The following PPP2R2C variants were observed in gnomAD, a reference collection of about 807,000 sequenced individuals.
PPP2R2C encodes the protein protein phosphatase 2 regulatory subunit Bgamma, also known as protein phosphatase 2, regulatory subunit B, gamma.
A neutral mutation model predicts 45.3 loss-of-function variants in PPP2R2C; 10 were observed. That is an observed-to-expected ratio of 0.22 (90% CI 0.14 to 0.37). The LOEUF (loss-of-function observed/expected upper bound fraction) is 0.37, where lower values mean the gene tolerates loss of function less well. PPP2R2C is among the 10% of genes least tolerant of loss of function. The probability of loss-of-function intolerance (pLI) is 1.00; values close to 1 mark genes in which losing one functional copy is unlikely to be tolerated. For synonymous variants in PPP2R2C, 257 were observed against 245.4 expected (o/e 1.05, Z -0.44); for missense variants, 308 against 619.7 (o/e 0.50, Z 5.34).
chr4:6,519,455 T>C (rs1286671853), intron 2 of PPP2R2C, among the ~76,000 whole-genome samples: 1 of 152,066 alleles, frequency 6.6e-6, no homozygotes, highest in Non-Finnish European at 1.5e-5. Flanking sequence ...GGCCCATGCC[T>C]AGCTCCCCAG....
intron 5 of PPP2R2C, among the ~76,000 whole-genome samples, chr4:6,366,618 G>A (rs886735275): frequency 3.9e-5 from 6 of 152,228 alleles, no homozygotes; most frequent in African/African-American, 1.4e-4. Flanking sequence ...CAGCCTAGGA[G>A]GGGTGTGGCA....
chr4:6,433,765 C>A (rs1719747341), intron 1 of PPP2R2C, among the ~76,000 whole-genome samples: 1 of 152,174 alleles, frequency 6.6e-6, no homozygotes, highest in African/African-American at 2.4e-5. Flanking sequence ...GAAACAGGCA[C>A]CATTGTTACA....
intron 1 of PPP2R2C, among the ~76,000 whole-genome samples, chr4:6,394,985 C>T (rs1392180643): frequency 6.6e-6 from 1 of 152,196 alleles, no homozygotes; most frequent in Non-Finnish European, 1.5e-5. Context: ...GCAGAGCCAG[C>T]AGCCCCCCTC....
chr4:6,380,687 G>A (rs1186948992), intron 2 of PPP2R2C, among the ~76,000 whole-genome samples: 3 of 152,092 alleles, frequency 2.0e-5, no homozygotes, highest in Non-Finnish European at 2.9e-5. Context: ...AGGGCAGGGG[G>A]CTCAGAACCT....
intron 1 of PPP2R2C, among the ~76,000 whole-genome samples, chr4:6,403,970 CAG>C (rs1327970917): frequency 1.3e-5 from 2 of 152,152 alleles, no homozygotes; most frequent in African/African-American, 4.8e-5. Context: ...GGATGGGAGT[CAG>C]GGGACTGCCC....
chr4:6,458,229 A>C (rs1721142730), intron 1 of PPP2R2C, among the ~76,000 whole-genome samples: 1 of 152,350 alleles, frequency 6.6e-6, no homozygotes, highest in Middle Eastern at 3.4e-3. Flanking sequence ...AACATCATGC[A>C]GGCTCATCAC....
intron 2 of PPP2R2C, among the ~76,000 whole-genome samples, chr4:6,505,568 A>T (rs1049257030): frequency 1.8e-4 from 28 of 152,238 alleles, no homozygotes; most frequent in African/African-American, 6.8e-4. Flanking sequence ...CATAGTAATG[A>T]AAAGTTAAGG....
chr4:6,511,618 ATGG>A (rs1486250876), intron 2 of PPP2R2C, among the ~76,000 whole-genome samples: 51 of 2,458 alleles, frequency 0.021, 9 homozygotes, highest in East Asian at 0.097. Flanking sequence ...GGTGGTGGTG[ATGG>A]TGGTGGTGGT....
At chr4:6,549,914 T>C (rs1201097317) in intron 1 of PPP2R2C, among the ~76,000 whole-genome samples, 1 of 152,158 alleles carries the variant, frequency 6.6e-6, no homozygotes, top group Non-Finnish European at 1.5e-5. Context: ...AGAAACATGC[T>C]CAACTGATGC....
intron 2 of PPP2R2C, among the ~76,000 whole-genome samples, chr4:6,494,347 G>A (rs956193462): frequency 6.6e-6 from 1 of 152,116 alleles, no homozygotes; most frequent in Non-Finnish European, 1.5e-5. Context: ...GGGTGTCCAG[G>A]GGAATCCCTC....
In PPP2R2C at chr4:6,466,220, T is replaced by C. The variant is rs567274201; in HGVS notation, c.70+5940A>G. On this transcript the variant is annotated intron_variant, in intron 1 of 8. Coordinates refer to ENST00000382599, the MANE Select transcript of PPP2R2C (RefSeq NM_020416.4). Reference sequence around the variant, plus strand: ...AGCGTGCTGTGGGAGCCAATATGTGTAACCACAGACTCGCCTGCCACACGT... The same window carrying C: ...AGCGTGCTGTGGGAGCCAATATGTGCAACCACAGACTCGCCTGCCACACGT... Among the ~76,000 whole-genome samples the C allele has an allele frequency of 1.2e-4, 19 of 152,304 alleles. No homozygotes were observed. The South Asian group carries it at 3.7e-3, about 30-fold the overall frequency.
chr4:6,377,733 G>A (rs1715447960), intron 3 of PPP2R2C, among the ~76,000 whole-genome samples: 1 of 152,144 alleles, frequency 6.6e-6, no homozygotes, highest in Admixed American at 6.5e-5. Context: ...GGGGGCCCAG[G>A]TGAAGGAGGA....
At chr4:6,535,075 G>T (rs1319194471) in intron 2 of PPP2R2C, among the ~76,000 whole-genome samples, 1 of 152,226 alleles carries the variant, frequency 6.6e-6, no homozygotes, top group Non-Finnish European at 1.5e-5. Flanking sequence ...GGGGGCTGGT[G>T]GGGTGGGGCC....
intron 2 of PPP2R2C, among the ~76,000 whole-genome samples, chr4:6,523,128 C>T (rs1351730122): frequency 6.6e-6 from 1 of 152,220 alleles, no homozygotes; most frequent in Non-Finnish European, 1.5e-5. Context: ...TGTTGAGAAC[C>T]ATGTCCAAGG....
intron 1 of PPP2R2C, among the ~76,000 whole-genome samples, chr4:6,404,922 T>C (rs1228643321): frequency 6.6e-6 from 1 of 152,242 alleles, no homozygotes; most frequent in African/African-American, 2.4e-5. Context: ...CTGTGCCATC[T>C]TGAGCAAGGC....
chr4:6,356,001 A>G (rs1343387524), intron 5 of PPP2R2C, among the ~76,000 whole-genome samples: 8 of 142,968 alleles, frequency 5.6e-5, no homozygotes, highest in African/African-American at 2.0e-4. Flanking sequence ...TGGAAAAAAA[A>G]AAAAAAAAAA....
chr4:6,549,574 A>AT (rs1725111770), intron 1 of PPP2R2C, among the ~76,000 whole-genome samples: 1 of 152,200 alleles, frequency 6.6e-6, no homozygotes, highest in Non-Finnish European at 1.5e-5. Flanking sequence ...AGCCAGACTG[A>AT]TAACACCGGC....
intron 4 of PPP2R2C, among the ~76,000 whole-genome samples, chr4:6,374,076 A>G (rs1300640255): frequency 6.6e-6 from 1 of 152,062 alleles, no homozygotes; most frequent in East Asian, 1.9e-4. Flanking sequence ...CCTGTGTCAG[A>G]TATTTTAGCT....
intron 5 of PPP2R2C, among the ~76,000 whole-genome samples, chr4:6,359,371 G>A (rs949791474): frequency 2.0e-5 from 3 of 152,170 alleles, no homozygotes; most frequent in Non-Finnish European, 4.4e-5. Flanking sequence ...AGGAGGGATA[G>A]CATTAGGAGA....
Sources: gnomAD v4.1 joint callset for allele counts (sites outside exome capture counted in the v4.1 genomes callset) on GRCh38, gnomAD v4.1.1 for gene constraint, MANE v1.5 for transcripts, NCBI Gene and HGNC (gene_info 2026-07-23, HGNC 2026-07-21) for gene names.